Variants in JPH4 observed in about 807,000 individuals in gnomAD.
JPH4 encodes the protein junctophilin 4.
JPH4 carries 18 observed loss-of-function variants against 57.6 expected under a neutral mutation model. That is an observed-to-expected ratio of 0.31 (90% CI 0.22 to 0.46). JPH4 has a LOEUF of 0.46. Among genes scored for constraint, JPH4 ranks in the 20% least tolerant of loss-of-function variants. JPH4 has a pLI of 1.00. For synonymous variants in JPH4, 425 were observed against 406.6 expected, an observed-to-expected ratio of 1.05 and a Z score of -0.54; for missense variants, 727 against 911.1, an observed-to-expected ratio of 0.80 and a Z score of 2.60.
In JPH4 at chr14:23,571,093, C is replaced by G. The variant is rs767926663; in HGVS notation, c.1638G>C (p.Glu546Asp). ...GGGGCAGGGGCTCTTCATCCTCCCC[C>G]TCCTCCTCTCGAAGACTTCCTGAAC... is the stretch of plus-strand genomic sequence containing the variant. ...SDSSGSLREE[E>D]GEDEEPLPPL... The change falls in exon 5 of 6, where the codon GAG (glutamate) becomes GAC (aspartate). Residue 546 changes from glutamate to aspartate, a missense_variant. Coordinates refer to ENST00000356300, the MANE Select transcript of JPH4 (RefSeq NM_001146028.2). This position sits in a 1 kb window ranked among gnomAD's most constrained non-coding sequence, Gnocchi z 4.6. 1 of 1,613,760 alleles carries G rather than the reference C, an allele frequency of 6.2e-7. No individual in the cohort carries two copies.
chr14:23,570,293 G>A (rs1040638035), intron 5 of JPH4, among the ~76,000 whole-genome samples: 3 of 151,342 alleles, frequency 2.0e-5, no homozygotes, highest in African/African-American at 4.9e-5. Context: ...AGCTGGAAAT[G>A]ATATGGAAGG....
chr14:23,571,045 C>T lies in JPH4; in HGVS notation c.1686G>A (p.Thr562=), dbSNP rs772725073. The change falls in exon 5 of 6, where the codon ACG becomes ACA. Residue 562 remains threonine, a synonymous_variant. Coordinates refer to ENST00000356300, the MANE Select transcript of JPH4 (RefSeq NM_001146028.2). The surrounding 1 kb of genome is among the most constrained non-coding windows in gnomAD (Gnocchi z 4.6). ...CCAGCATGGCGATGGGCTCAGGCTC[C>T]GTGCCTGCTGGGGCCCTCAGCGGGG... ...PLPPLRAPAG[T]EPEPIAMLVL... is the part of the protein sequence containing the mutation. 5.6e-6 allele frequency: 9 copies of T among 1,606,400 alleles called. 1 individual carries two copies. The Admixed American group carries it at 6.7e-5, about 12-fold the overall frequency.
At position 23,574,175 on chromosome 14, in the gene JPH4, GA is replaced by G. The variant is rs1392523554; in HGVS notation, c.1151+1509del. On this transcript the variant is annotated intron_variant, in intron 3 of 5. Coordinates refer to ENST00000356300, the MANE Select transcript of JPH4 (RefSeq NM_001146028.2). ...ACAAGTGGATTTTTGGCTTCTTTTA[GA>G]TTTTTTTTTTTTTTTTAGACTGGCG... Among the ~76,000 whole-genome samples the G allele has an allele frequency of 5.1e-3, 762 of 148,590 alleles. 6 individuals are homozygous for G. The highest frequency in any genetic ancestry group is 0.014 in the Middle Eastern group (4 of 288).
Position 23,578,266 on chromosome 14 carries a change from C to G in JPH4, c.-258G>C, listed in dbSNP as rs1001852651. ...CCCACCTCGCCCGGACAAGCCAAGC[C>G]CCCTCCCCTTCCGGAGAGACTGCTC... On this transcript the variant is annotated 5_prime_UTR_variant, in exon 1 of 6. Transcript: ENST00000356300. 5 of 151,730 alleles carry G rather than the reference C, an allele frequency of 3.3e-5. No homozygotes were observed. The highest frequency in any genetic ancestry group is 9.7e-5 in the African/African-American group (4 of 41,100). The allele number at this position is 151,730 out of a possible 1,614,324, so 9.4% of individuals were successfully genotyped here. A position where few individuals can be genotyped will look rare whatever the true frequency, so the allele number is the denominator to read the frequency against.
chr14:23,570,995 C>A lies in JPH4; in HGVS notation c.1736G>T (p.Gly579Val), dbSNP rs767012389. The change falls in exon 5 of 6, where the codon GGT (glycine) becomes GTT (valine). Residue 579 changes from glycine to valine, a missense_variant. Coordinates refer to ENST00000356300, the MANE Select transcript of JPH4 (RefSeq NM_001146028.2). ...TTCTGTCAGGCACCCAGCATCAGGACCCCTCGAGGACGAGCCCCTCAGGAC... is the reference window on the plus strand; with the variant it reads ...TTCTGTCAGGCACCCAGCATCAGGAACCCTCGAGGACGAGCCCCTCAGGAC... ...MLVLRGSSSRGPDAGCLTEEL... is the reference protein window; with the variant it reads ...MLVLRGSSSRVPDAGCLTEEL... 5.2e-6 allele frequency: 8 copies of A among 1,547,700 alleles called. No individual in the cohort carries two copies. The highest frequency in any genetic ancestry group is 4.5e-5 in the East Asian group (2 of 44,336).
intron 5 of JPH4, 136 bp downstream of exon 5, chr14:23,570,792 G>T: frequency 2.4e-6 from 2 of 816,400 alleles, no homozygotes; most frequent in South Asian, 3.8e-5. Flanking sequence ...TTTTGAGGTG[G>T]GATGTGGTCC....
In JPH4 at chr14:23,577,139, G is replaced by T. The variant is rs556875310; in HGVS notation, c.315C>A (p.Arg105=). ...SGVWESVSGL[R]YAGLWKDGFQ... is the part of the protein sequence containing the mutation. The stretch of plus-strand genomic sequence containing the variant: ...AACCGTCCTTCCAGAGCCCGGCGTA[G>T]CGCAGGCCGGACACGCTTTCCCACA... Residue 105 remains arginine (R), a synonymous_variant, in exon 2 of 6, where the codon CGC becomes CGA. Coordinates refer to ENST00000356300, the MANE Select transcript of JPH4 (RefSeq NM_001146028.2). This position sits in a 1 kb window ranked among gnomAD's most constrained non-coding sequence, Gnocchi z 8.4. The T allele has an allele frequency of 1.3e-6, 2 of 1,548,462 alleles. No homozygotes were observed. Among genetic ancestry groups the T allele is most frequent in the Non-Finnish European group, 1.7e-6 (2 of 1,155,284 alleles).
Position 23,577,354 on chromosome 14 carries a change from C to A in JPH4, c.100G>T (p.Gly34Cys), listed in dbSNP as rs1889300360. 5 of 1,521,406 alleles carry A rather than the reference C, an allele frequency of 3.3e-6. No individual in the cohort carries two copies. The highest frequency in any genetic ancestry group is 4.4e-6 in the Non-Finnish European group (5 of 1,137,160). 94.2% of individuals were successfully genotyped at this position (1,521,406 alleles called of 1,614,324 possible). Residue 34 changes from glycine (G) to cysteine (C), a missense_variant, in exon 2 of 6, where the codon GGC becomes TGC. Coordinates refer to ENST00000356300, the MANE Select transcript of JPH4 (RefSeq NM_001146028.2). The surrounding 1 kb of genome is among the most constrained non-coding windows in gnomAD (Gnocchi z 8.4). ...CAGCCGCTGTACTCGCCCTGGGCGC[C>A]GGGGCCCGTGCACACGCCGTAGCCA... ...AHGYGVCTGP[G>C]AQGEYSGCWA...
In JPH4 at chr14:23,575,715, G is replaced by A. The variant is rs1472561619; in HGVS notation, c.1121C>T (p.Ala374Val). Residue 374 changes from alanine (A) to valine (V), a missense_variant, in exon 3 of 6, where the codon GCC (alanine) becomes GTC (valine). Ala to Val is a moderately conservative substitution (Grantham distance 64). Around this residue, in one of 7 missense-constraint regions of JPH4, gnomAD observed 112 missense variants for 199.4 expected, o/e 0.56. Transcript: ENST00000356300. The surrounding 1 kb of genome is among the most constrained non-coding windows in gnomAD (Gnocchi z 6.9). ...VEGARRAVSAARQRQEIAAAR... is the reference protein window; with the variant it reads ...VEGARRAVSAVRQRQEIAAAR... ...AGCGGCGATCTCCTGGCGCTGACGG[G>A]CAGCACTCACGGCTCGACGGGCGCC... The A allele has an allele frequency of 1.9e-6, 3 of 1,606,796 alleles. No homozygotes were observed. The highest frequency in any genetic ancestry group is 1.1e-5 in the South Asian group (1 of 89,790).
intron 3 of JPH4, among the ~76,000 whole-genome samples, 187 bp from the exon 4 acceptor site, chr14:23,572,107 GT>G (rs1216775755): frequency 6.6e-6 from 1 of 151,960 alleles, no homozygotes; most frequent in African/African-American, 2.4e-5. Flanking sequence ...CTCCCGTTTG[GT>G]TTCCTCCCCC....
chr14:23,576,126 AG>A lies in JPH4; in HGVS notation c.709del (p.Leu237TrpfsTer12). The A allele has an allele frequency of 7.6e-7, 1 of 1,310,268 alleles. No individual in the cohort carries two copies. The highest frequency in any genetic ancestry group is 3.8e-5 in the Admixed American group (1 of 25,976). The allele number at this position is 1,310,268 out of a possible 1,614,324, so 81.2% of individuals were successfully genotyped here. A position where few individuals can be genotyped will look rare whatever the true frequency, so the allele number is the denominator to read the frequency against. On this transcript the variant is annotated frameshift_variant, in exon 3 of 6. Coordinates refer to ENST00000356300, the MANE Select transcript of JPH4 (RefSeq NM_001146028.2). LOFTEE classifies it high-confidence loss of function. This position sits in a 1 kb window ranked among gnomAD's most constrained non-coding sequence, Gnocchi z 8.0. The stretch of plus-strand genomic sequence containing the variant: ...GCGCAGGGAGCCTCGCTTGCTGCCC[AG>A]GGAGCTGCGACGTCCGCCCGCTCGG... ...GLRAGGRRSSLGSKRGSLRSE... is the reference protein window; with the variant it reads ...GLRAGGRRSSXGSKRGSLRSE...
Position 23,576,404 on chromosome 14 carries a change from G to T in JPH4, c.432C>A (p.Arg144=). The T allele has an allele frequency of 7.0e-7, 1 of 1,428,006 alleles. No homozygotes were observed. Among genetic ancestry groups the T allele is most frequent in the Non-Finnish European group, 9.1e-7 (1 of 1,097,780 alleles). 88.5% of individuals were successfully genotyped at this position (1,428,006 alleles called of 1,614,324 possible). ...QAGKRHGYGV[R]QSVPYHQAAL... is the part of the protein sequence containing the mutation. ...CCGCCTGATGGTAGGGCACACTCTG[G>T]CGTACCCCGTAGCCGTGGCGCTTCC... Residue 144 remains arginine (R), a synonymous_variant, in exon 3 of 6, where the codon CGC becomes CGA. Coordinates refer to ENST00000356300, the MANE Select transcript of JPH4 (RefSeq NM_001146028.2). This position sits in a 1 kb window ranked among gnomAD's most constrained non-coding sequence, Gnocchi z 8.0.
At position 23,569,464 on chromosome 14, in the gene JPH4, A is replaced by G. The variant is rs1447892204; in HGVS notation, c.*170T>C. ...AGAAGAAATGAGATAATCTGAAAGA[A>G]GACAGGGAAAGAAAAAGCGAGAGAA... On this transcript the variant is annotated 3_prime_UTR_variant, in exon 6 of 6. Transcript: ENST00000356300. The surrounding 1 kb of genome is among the most constrained non-coding windows in gnomAD (Gnocchi z 4.8). 1.6e-6 allele frequency: 1 copy of G among 635,856 alleles called. No homozygotes were observed. Among genetic ancestry groups the G allele is most frequent in the Non-Finnish European group, 2.8e-6 (1 of 352,990 alleles). The allele number at this position is 635,856 out of a possible 1,614,324, so 39.4% of individuals were successfully genotyped here.
At position 23,571,420 on chromosome 14, in the gene JPH4, C is replaced by G. The variant is rs751206791; in HGVS notation, c.1311G>C (p.Glu437Asp). ...CCCCAGGGCTGTCCTCATCCAGGGG[C>G]TCCGTGTCGGAACCTTCTGAGTCCT... ...PRQDSEGSDT[E>D]PLDEDSPGVY... The change falls in exon 5 of 6, where the codon GAG becomes GAC. Residue 437 changes from glutamate to aspartate, a missense_variant. Physicochemically the swap from Glu to Asp is conservative, Grantham distance 45. Coordinates refer to ENST00000356300, the MANE Select transcript of JPH4 (RefSeq NM_001146028.2). The surrounding 1 kb of genome is among the most constrained non-coding windows in gnomAD (Gnocchi z 4.6). The G allele has an allele frequency of 1.3e-6, 2 of 1,599,566 alleles. No homozygotes were observed. The highest frequency in any genetic ancestry group is 1.7e-6 in the Non-Finnish European group (2 of 1,179,778).
Position 23,571,596 on chromosome 14 carries a change from C to A in JPH4, c.1271-136G>T, listed in dbSNP as rs1007428769. ...TAGCCTCTCACCGCCAGACCCCAAA[C>A]CCCCCATTATCCTACTGCATACATT... On this transcript the variant is annotated intron_variant, in intron 4 of 5. Coordinates refer to ENST00000356300, the MANE Select transcript of JPH4 (RefSeq NM_001146028.2). The surrounding 1 kb of genome is among the most constrained non-coding windows in gnomAD (Gnocchi z 4.6). 8.6e-7 allele frequency: 1 copy of A among 1,163,808 alleles called. No individual in the cohort carries two copies. The highest frequency in any genetic ancestry group is 1.2e-6 in the Non-Finnish European group (1 of 820,760). The allele number at this position is 1,163,808 out of a possible 1,614,324, so 72.1% of individuals were successfully genotyped here. A position where few individuals can be genotyped will look rare whatever the true frequency, so the allele number is the denominator to read the frequency against.
intron 5 of JPH4, among the ~76,000 whole-genome samples, chr14:23,570,012 G>A (rs1384848576): frequency 6.6e-6 from 1 of 152,128 alleles, no homozygotes; most frequent in East Asian, 1.9e-4. Context: ...AGCAGACATT[G>A]GCAGCAGCAG....
rs1370155134 is a variant in JPH4, at chr14:23,577,155, C to G, written c.299G>C (p.Ser100Thr). Residue 100 changes from serine (S) to threonine (T), a missense_variant, in exon 2 of 6, where the codon AGC becomes ACC. Ser to Thr is a moderately conservative substitution (Grantham distance 58). Around this residue, in one of 7 missense-constraint regions of JPH4, gnomAD observed 90 missense variants for 88.1 expected, o/e 1.02. Transcript: ENST00000356300. This position sits in a 1 kb window ranked among gnomAD's most constrained non-coding sequence, Gnocchi z 8.4. ...CCCGGCGTAGCGCAGGCCGGACACG[C>G]TTTCCCACACGCCGCTGCGCCCCTT... ...GLKGRSGVWE[S>T]VSGLRYAGLW... 6.5e-7 allele frequency: 1 copy of G among 1,538,386 alleles called. No individual in the cohort carries two copies. The highest frequency in any genetic ancestry group is 8.7e-7 in the Non-Finnish European group (1 of 1,148,572).
rs775922289 is a variant in JPH4 at position 23,568,727 on chromosome 14, A to T, written c.*907T>A. On this transcript the variant is annotated 3_prime_UTR_variant, in exon 6 of 6. Transcript: ENST00000356300. ...TGCTCAAGTGCCTCTAACCCTCTGCAGTAGAAATGTCTTCTTCAGGCCCCT... is the reference window on the plus strand; with the variant it reads ...TGCTCAAGTGCCTCTAACCCTCTGCTGTAGAAATGTCTTCTTCAGGCCCCT... 19 of 985,958 alleles carry T rather than the reference A, an allele frequency of 1.9e-5. No homozygotes were observed. The highest frequency in any genetic ancestry group is 2.3e-5 in the Non-Finnish European group (19 of 830,002). 61.1% of individuals were successfully genotyped at this position (985,958 alleles called of 1,614,324 possible). A position where few individuals can be genotyped will look rare whatever the true frequency, so the allele number is the denominator to read the frequency against.
rs1239459339 is a variant in JPH4 at position 23,578,493 on chromosome 14, GT to G, written c.-486del. 6.6e-6 allele frequency: 1 copy of G among 151,734 alleles called. No individual in the cohort carries two copies. The highest frequency in any genetic ancestry group is 2.4e-5 in the African/African-American group (1 of 41,244). The allele number at this position is 151,734 out of a possible 1,614,324, so 9.4% of individuals were successfully genotyped here. ...GGGGAGGGGGCTCTCAAGAGGGGGT[GT>G]TTTTATTATTTTTTTCTTCTTATGG... On this transcript the variant is annotated 5_prime_UTR_variant, in exon 1 of 6. Transcript: ENST00000356300.
Sources: allele counts gnomAD v4.1 joint callset (sites outside exome capture counted in the v4.1 genomes callset), GRCh38; gene constraint gnomAD v4.1.1; regional missense constraint gnomAD v4.1.1; non-coding constraint Gnocchi (gnomAD v3.1); transcripts MANE v1.5; gene names NCBI Gene and HGNC (gene_info 2026-07-23, HGNC 2026-07-21).